NFIB: variants seen among roughly 807,000 people sequenced by gnomAD.
NFIB encodes nuclear factor I B.
Under a neutral mutation model 61.5 loss-of-function variants are expected in NFIB, and 11 were observed. That is an observed-to-expected ratio of 0.18 (90% CI 0.11 to 0.30). The LOEUF is 0.30. NFIB is among the 10% of genes least tolerant of loss of function. The pLI, the probability that NFIB is intolerant of heterozygous loss-of-function variation, is 1.00. For synonymous variants in NFIB, 260 were observed against 216.5 expected, an observed-to-expected ratio of 1.20 and a Z score of -1.76; for missense variants, 471 against 608.9, an observed-to-expected ratio of 0.77 and a Z score of 2.38.
At chr9:14,161,641 G>A (rs2044218079) in intron 3 of NFIB, among the ~76,000 whole-genome samples, 1 of 151,640 alleles carries the variant, frequency 6.6e-6, no homozygotes, top group Non-Finnish European at 1.5e-5. Context: ...ATATTGCATG[G>A]CTGTATCATA....
intron 3 of NFIB, among the ~76,000 whole-genome samples, chr9:14,162,350 CT>C (rs1223254434): frequency 6.6e-6 from 1 of 151,856 alleles, no homozygotes; most frequent in South Asian, 2.1e-4. Flanking sequence ...TTATCAAATT[CT>C]TTTTTGGCAT....
intron 2 of NFIB, among the ~76,000 whole-genome samples, chr9:14,230,230 T>C (rs1050431035): frequency 2.6e-5 from 4 of 152,224 alleles, no homozygotes; most frequent in African/African-American, 9.6e-5. Flanking sequence ...TATTAATTCA[T>C]TCAGGTTCTA....
intron 2 of NFIB, among the ~76,000 whole-genome samples, chr9:14,203,943 TA>T (rs1004062449): frequency 1.3e-5 from 2 of 151,792 alleles, no homozygotes; most frequent in Admixed American, 6.6e-5. Context: ...AAAAAAATGT[TA>T]AAAAAAACCT....
intron 10 of NFIB, among the ~76,000 whole-genome samples, chr9:14,099,676 C>T (rs531471766): frequency 6.6e-6 from 1 of 152,322 alleles, no homozygotes; most frequent in South Asian, 2.1e-4. Context: ...GCATTTAGCA[C>T]AGCTCACCAT....
chr9:14,377,566 ACT>A (rs2061434142), intron 1 of NFIB, among the ~76,000 whole-genome samples: 1 of 152,068 alleles, frequency 6.6e-6, no homozygotes, highest in Non-Finnish European at 1.5e-5. Flanking sequence ...AAAAGAAAAG[ACT>A]CTGTTAAAGT....
chr9:14,293,885 CCTTACTAAAAACAGT>C (rs2059257997), intron 2 of NFIB, among the ~76,000 whole-genome samples: 1 of 152,094 alleles, frequency 6.6e-6, no homozygotes, highest in African/African-American at 2.4e-5. Flanking sequence ...AAAAACAAAA[CCTTACTAAAAACAGT>C]CTGTCTACCT....
At chr9:14,461,212 T>G in the NFIB span, among the ~76,000 whole-genome samples, 1 of 152,192 alleles carries the variant, frequency 6.6e-6, no homozygotes, top group African/African-American at 2.4e-5. Flanking sequence ...TTGAGGGAAC[T>G]GTGAGCTTGG....
In NFIB at chr9:14,313,671, T is replaced by G; in HGVS notation, c.-160A>C. 6.9e-7 allele frequency: 1 copy of G among 1,458,828 alleles called. No homozygotes were observed. Among genetic ancestry groups the G allele is most frequent in the Non-Finnish European group, 9.0e-7 (1 of 1,105,716 alleles). The allele number at this position is 1,458,828 out of a possible 1,614,324, so 90.4% of individuals were successfully genotyped here. ...CGCAACTTCACAACAAACCCAGTCCTCCTTAAATAGCCAAAGATTCAAGTT... is the reference window on the plus strand; with the variant it reads ...CGCAACTTCACAACAAACCCAGTCCGCCTTAAATAGCCAAAGATTCAAGTT... On this transcript the variant is annotated 5_prime_UTR_variant, in exon 1 of 11. Transcript: ENST00000380953. The surrounding 1 kb of genome is among the most constrained non-coding windows in gnomAD (Gnocchi z 4.5).
At chr9:14,459,139 A>C in the NFIB span, among the ~76,000 whole-genome samples, 2 of 152,174 alleles carry the variant, frequency 1.3e-5, no homozygotes, top group African/African-American at 4.8e-5. Context: ...ACAGTAATCA[A>C]AACAGCATGG....
intron 2 of NFIB, among the ~76,000 whole-genome samples, chr9:14,238,969 T>A (rs891775735): frequency 6.6e-6 from 1 of 152,170 alleles, no homozygotes; most frequent in Non-Finnish European, 1.5e-5. Flanking sequence ...CAGCATAAGG[T>A]CAACTGATGG....
chr9:14,357,510 A>G (rs2061190118), intron 1 of NFIB: 1 of 152,184 alleles, frequency 6.6e-6, no homozygotes, highest in Admixed American at 6.5e-5. Context: ...CCCTACCAAG[A>G]AATAGCAGGG....
chr9:14,520,691 C>T, the NFIB span, among the ~76,000 whole-genome samples: 1 of 152,202 alleles, frequency 6.6e-6, no homozygotes, highest in Admixed American at 6.5e-5. Flanking sequence ...ATTTTCCAAA[C>T]CATGTGTCAT....
chr9:14,415,064 A>G, the NFIB span, among the ~76,000 whole-genome samples: 2 of 152,218 alleles, frequency 1.3e-5, no homozygotes, highest in African/African-American at 4.8e-5. Flanking sequence ...GGATCCCATA[A>G]GACTGCAAGC....
the NFIB span, among the ~76,000 whole-genome samples, chr9:14,464,081 A>C: frequency 6.6e-6 from 1 of 152,156 alleles, no homozygotes; most frequent in African/African-American, 2.4e-5. Context: ...CTCCAGCCCT[A>C]CCGCTAGTGA....
At chr9:14,413,717 G>A in the NFIB span, among the ~76,000 whole-genome samples, 1 of 152,146 alleles carries the variant, frequency 6.6e-6, no homozygotes, top group East Asian at 1.9e-4. Flanking sequence ...TTGGGACATG[G>A]TACAGCTATT....
rs372712998 is a variant in NFIB, at chr9:14,313,441, G to C, written c.30+41C>G. On this transcript the variant is annotated intron_variant, in intron 1 of 10. Coordinates refer to ENST00000380953, the MANE Select transcript of NFIB (RefSeq NM_001190737.2). The surrounding 1 kb of genome is among the most constrained non-coding windows in gnomAD (Gnocchi z 4.5). ...CAACAAAACAAAACAAAGGCATTTCGGGCCAGAGAGAAAGCTCGAGAAAGC... is the reference window on the plus strand; with the variant it reads ...CAACAAAACAAAACAAAGGCATTTCCGGCCAGAGAGAAAGCTCGAGAAAGC... 30 of 1,612,618 alleles carry C rather than the reference G, an allele frequency of 1.9e-5. No individual in the cohort carries two copies. The African/African-American group carries it at 3.6e-4, about 19-fold the overall frequency.
the NFIB span, among the ~76,000 whole-genome samples, chr9:14,504,417 G>C: frequency 6.6e-6 from 1 of 152,098 alleles, no homozygotes; most frequent in Non-Finnish European, 1.5e-5. Flanking sequence ...ATTGCTTTTG[G>C]CAGTACGGTC....
At chr9:14,388,363 AGAAAGAAGGAAGGAAGGAAG>A (rs1332739705) in intron 1 of NFIB, among the ~76,000 whole-genome samples, 35 of 81,676 alleles carry the variant, frequency 4.3e-4, no homozygotes, top group Middle Eastern at 6.0e-3. Flanking sequence ...AAAAAGAGAA[AGAAAGAAGGAAGGAAGGAAG>A]GAAGGAAGGA....
chr9:14,230,680 G>A lies in NFIB; in HGVS notation c.563-50900C>T, dbSNP rs1482066535. 3.3e-5 allele frequency among the ~76,000 whole-genome samples: 5 copies of A among 152,160 alleles called. No individual in the cohort carries two copies. The East Asian group carries it at 5.8e-4, about 18-fold the overall frequency. On this transcript the variant is annotated intron_variant, in intron 2 of 10. Coordinates refer to ENST00000380953, the MANE Select transcript of NFIB (RefSeq NM_001190737.2). ...TGGAGGAAATGGGATTAATAGAAGT[G>A]AAGGCATTTAGGTAGAAAAAAGTAG...
Sources: allele counts gnomAD v4.1 joint callset (sites outside exome capture counted in the v4.1 genomes callset), GRCh38; gene constraint gnomAD v4.1.1; non-coding constraint Gnocchi (gnomAD v3.1); transcripts MANE v1.5; gene names NCBI Gene and HGNC (gene_info 2026-07-23, HGNC 2026-07-21).